RFX3: variants seen among roughly 807,000 people sequenced by gnomAD.
RFX3 encodes regulatory factor X3, also known as transcription factor RFX3.
In RFX3, 14 loss-of-function variants were observed where a neutral mutation model predicts 98.6. The ratio of observed to expected loss-of-function variants is 0.14; its 90% CI spans 0.09 to 0.22. The LOEUF (loss-of-function observed/expected upper bound fraction) is 0.22, where lower values mean the gene tolerates loss of function less well. RFX3 is among the 10% of genes least tolerant of loss of function. RFX3 has a pLI of 1.00. For synonymous variants in RFX3, 383 were observed against 328.4 expected (o/e 1.17, Z -1.80); for missense variants, 639 against 926.9 (o/e 0.69, Z 4.03).
intron 1 of RFX3, among the ~76,000 whole-genome samples, chr9:3,515,309 T>C (rs1017862907): frequency 2.0e-5 from 3 of 152,152 alleles, no homozygotes; most frequent in Non-Finnish European, 4.4e-5. Context: ...GATAGATATA[T>C]ACAGATATAT....
At chr9:3,304,490 A>T (rs7851137) in intron 4 of RFX3, among the ~76,000 whole-genome samples, 8,754 of 151,978 alleles carry the variant, frequency 0.058, 820 homozygotes, top group African/African-American at 0.2. Flanking sequence ...TTACCAAATT[A>T]TATGTCTCTG....
intron 15 of RFX3, among the ~76,000 whole-genome samples, chr9:3,245,685 C>T (rs1163593686): frequency 6.6e-6 from 1 of 152,156 alleles, no homozygotes; most frequent in Non-Finnish European, 1.5e-5. Context: ...TACAGCAAGA[C>T]TATTATCTTC....
chr9:3,331,433 T>C (rs1008668731), intron 3 of RFX3, among the ~76,000 whole-genome samples: 1 of 152,176 alleles, frequency 6.6e-6, no homozygotes, highest in Non-Finnish European at 1.5e-5. Context: ...TCTCAAGAAG[T>C]TATAATATAT....
At chr9:3,408,984 C>G (rs560462282) in intron 1 of RFX3, among the ~76,000 whole-genome samples, 1 of 152,310 alleles carries the variant, frequency 6.6e-6, no homozygotes, top group Non-Finnish European at 1.5e-5. Context: ...ATATTGTTAA[C>G]AGCTACTTGT....
At chr9:3,287,486 C>G (rs1260150966) in intron 7 of RFX3, among the ~76,000 whole-genome samples, 2 of 151,934 alleles carry the variant, frequency 1.3e-5, no homozygotes, top group Non-Finnish European at 2.9e-5. Flanking sequence ...CATTTAACCT[C>G]TCTGGGACTC....
At chr9:3,400,193 C>T (rs117030645) in intron 1 of RFX3, 24,256 of 970,164 alleles carry the variant, frequency 0.025, 339 homozygotes, top group Middle Eastern at 0.03. Context: ...GCCATACAGA[C>T]GCTGCACAAA....
chr9:3,301,325 C>T (rs1828630629), intron 5 of RFX3, among the ~76,000 whole-genome samples: 1 of 151,592 alleles, frequency 6.6e-6, no homozygotes. Context: ...TATATCTGTA[C>T]CCAAAGAGTA....
At chr9:3,381,296 G>A (rs774676317) in intron 2 of RFX3, among the ~76,000 whole-genome samples, 8 of 151,728 alleles carry the variant, frequency 5.3e-5, no homozygotes, top group Non-Finnish European at 1.0e-4. Context: ...GTCGTAAACA[G>A]GACTGTAATC....
chr9:3,484,054 A>G (rs778663848), intron 1 of RFX3, among the ~76,000 whole-genome samples: 1 of 152,168 alleles, frequency 6.6e-6, no homozygotes, highest in Non-Finnish European at 1.5e-5. Flanking sequence ...CATACACACT[A>G]ATGTTTCTGT....
chr9:3,353,983 A>T lies in RFX3; in HGVS notation c.118-7219T>A, dbSNP rs143117199. Among the ~76,000 whole-genome samples the T allele has an allele frequency of 4.7e-3, 713 of 152,178 alleles. 3 individuals are homozygous for T. Among genetic ancestry groups the T allele is most frequent in the Middle Eastern group, 0.02 (6 of 294 alleles). On this transcript the variant is annotated intron_variant, in intron 2 of 16. Transcript: ENST00000617270. ...AAAAAAGAAAGAAGCTACAAAGAAG[A>T]ACCAAGTACTATTTGTAGAGTAGGA...
intron 1 of RFX3, among the ~76,000 whole-genome samples, chr9:3,424,936 T>C (rs1461069423): frequency 6.6e-6 from 1 of 152,164 alleles, no homozygotes; most frequent in African/African-American, 2.4e-5. Flanking sequence ...TAATAAGAAA[T>C]GATTTTTTGT....
chr9:3,418,638 C>A (rs1447111085), intron 1 of RFX3, among the ~76,000 whole-genome samples: 2 of 152,118 alleles, frequency 1.3e-5, no homozygotes, highest in African/African-American at 2.4e-5. Context: ...CCTTGGCCTC[C>A]CAAAGTGCTG....
intron 1 of RFX3, among the ~76,000 whole-genome samples, chr9:3,464,265 A>G (rs1847991836): frequency 6.6e-6 from 1 of 152,254 alleles, no homozygotes; most frequent in South Asian, 2.1e-4. Flanking sequence ...ATGACTCAGC[A>G]ATCGCTTTGT....
chr9:3,285,622 T>G (rs1263427482), intron 7 of RFX3, among the ~76,000 whole-genome samples: 3 of 151,658 alleles, frequency 2.0e-5, no homozygotes, highest in African/African-American at 4.8e-5. Context: ...ACAGTAACAC[T>G]GCAATCAGTT....
chr9:3,424,201 ATCACT>A (rs1315814120), intron 1 of RFX3, among the ~76,000 whole-genome samples: 1 of 151,696 alleles, frequency 6.6e-6, no homozygotes, highest in Non-Finnish European at 1.5e-5. Context: ...CAGGTACAAA[ATCACT>A]TCAATTTCAT....
chr9:3,376,076 C>T (rs1222773104), intron 2 of RFX3, among the ~76,000 whole-genome samples: 1 of 152,008 alleles, frequency 6.6e-6, no homozygotes, highest in African/African-American at 2.4e-5. Flanking sequence ...GGTCAATAAG[C>T]ACATAAGAAG....
At chr9:3,267,957 A>G (rs1161659857) in intron 11 of RFX3, among the ~76,000 whole-genome samples, 1 of 151,880 alleles carries the variant, frequency 6.6e-6, no homozygotes, top group Non-Finnish European at 1.5e-5. Flanking sequence ...TACTTTAAAA[A>G]TATTTATTAC....
At chr9:3,424,522 C>T (rs936795812) in intron 1 of RFX3, among the ~76,000 whole-genome samples, 2 of 151,086 alleles carry the variant, frequency 1.3e-5, no homozygotes, top group Non-Finnish European at 2.9e-5. Flanking sequence ...CCACCGCGCC[C>T]GGATAATTTT....
intron 7 of RFX3, among the ~76,000 whole-genome samples, chr9:3,284,221 A>C (rs1826281604): frequency 1.3e-5 from 2 of 151,770 alleles, no homozygotes; most frequent in Admixed American, 6.6e-5. Context: ...AATTTGGAAA[A>C]ATATCTAAAA....
Sources: allele counts gnomAD v4.1 joint callset (sites outside exome capture counted in the v4.1 genomes callset), GRCh38; gene constraint gnomAD v4.1.1; transcripts MANE v1.5; gene names NCBI Gene and HGNC (gene_info 2026-07-23, HGNC 2026-07-21).